PDE1A: variants seen among roughly 807,000 people sequenced by gnomAD.
PDE1A encodes the protein dual specificity calcium/calmodulin-dependent 3',5'-cyclic nucleotide phosphodiesterase 1A.
In PDE1A, 35 loss-of-function variants were observed where a neutral mutation model predicts 61.7. The observed-to-expected ratio is 0.57, with a 90% CI of 0.43 to 0.75. The LOEUF is 0.75. PDE1A is among the 30% of genes least tolerant of loss of function. The pLI is 0.00. For missense variants in PDE1A, 597 were observed against 630.6 expected, an observed-to-expected ratio of 0.95 and a Z score of 0.57; for synonymous variants, 232 against 213.2, an observed-to-expected ratio of 1.09 and a Z score of -0.77.
intron 2 of PDE1A, among the ~76,000 whole-genome samples, chr2:182,484,489 G>A (rs184244444): frequency 1.5e-4 from 23 of 151,974 alleles, no homozygotes; most frequent in Admixed American, 3.9e-4. Flanking sequence ...AAAAGCAATC[G>A]CAACAAAACA....
intron 1 of PDE1A, among the ~76,000 whole-genome samples, chr2:182,366,033 T>C (rs1249823150): frequency 6.6e-6 from 1 of 152,042 alleles, no homozygotes; most frequent in Non-Finnish European, 1.5e-5. Flanking sequence ...CATCTGGCAA[T>C]AAACAGTTAA....
chr2:182,298,326 G>A (rs1004576294), intron 1 of PDE1A, among the ~76,000 whole-genome samples: 2 of 152,150 alleles, frequency 1.3e-5, no homozygotes, highest in Admixed American at 6.5e-5. Flanking sequence ...TCAGGGCAAG[G>A]TGCAAAGACC....
At chr2:182,511,729 C>A (rs1689807022) in intron 2 of PDE1A, among the ~76,000 whole-genome samples, 1 of 151,890 alleles carries the variant, frequency 6.6e-6, no homozygotes, top group African/African-American at 2.4e-5. Flanking sequence ...GGGAGCCCCC[C>A]TGTTTGCCAG....
At chr2:182,556,777 T>A in the PDE1A span, among the ~76,000 whole-genome samples, 1 of 152,360 alleles carries the variant, frequency 6.6e-6, no homozygotes, top group African/African-American at 2.4e-5. Context: ...GCCATCTTCA[T>A]CTCAGCCTTT....
the PDE1A span, among the ~76,000 whole-genome samples, chr2:182,622,638 A>T: frequency 6.6e-6 from 1 of 152,188 alleles, no homozygotes; most frequent in Non-Finnish European, 1.5e-5. Context: ...GGTTCATACC[A>T]TCCTACATCC....
intron 10 of PDE1A, among the ~76,000 whole-genome samples, chr2:182,196,533 G>A (rs566367727): frequency 6.6e-6 from 1 of 151,858 alleles, no homozygotes; most frequent in East Asian, 1.9e-4. Flanking sequence ...GGGCAAATCT[G>A]AAGGGTATAA....
At chr2:182,707,791 C>T in the PDE1A span, among the ~76,000 whole-genome samples, 1 of 152,176 alleles carries the variant, frequency 6.6e-6, no homozygotes, top group African/African-American at 2.4e-5. Flanking sequence ...CCAGCATTAC[C>T]CCCATATCAA....
rs73032412 is a variant in PDE1A at position 182,263,085 on chromosome 2, A to C, written c.167+1216T>G. The stretch of plus-strand genomic sequence containing the variant: ...AGTTTAACATTGCTCATCTTCCCCA[A>C]GCTTAGGCCTGGGACAGGCATGGAC... On this transcript the variant is annotated intron_variant, in intron 2 of 13. Coordinates refer to ENST00000351439, the Ensembl canonical transcript of PDE1A. Among the ~76,000 whole-genome samples, 1,070 of 152,076 alleles carry C rather than the reference A, an allele frequency of 7.0e-3. 9 individuals are homozygous for C. Among genetic ancestry groups the C allele is most frequent in the African/African-American group, 0.024 (982 of 41,462 alleles).
intron 2 of PDE1A, among the ~76,000 whole-genome samples, chr2:182,495,037 G>A (rs2125896391): frequency 6.6e-6 from 1 of 152,196 alleles, no homozygotes; most frequent in South Asian, 2.1e-4. Context: ...CACTCTGTCG[G>A]GGGTGCTCGG....
intron 1 of PDE1A, among the ~76,000 whole-genome samples, chr2:182,288,885 GAA>G (rs1240095649): frequency 1.3e-5 from 2 of 152,028 alleles, no homozygotes; most frequent in Non-Finnish European, 2.9e-5. Context: ...TTCAGATTTT[GAA>G]AGACTTTTAA....
At chr2:182,541,176 A>T in the PDE1A span, among the ~76,000 whole-genome samples, 1 of 152,208 alleles carries the variant, frequency 6.6e-6, no homozygotes, top group African/African-American at 2.4e-5. Flanking sequence ...ACCTCACATG[A>T]TTTAAATGAA....
At chr2:182,608,149 A>G in the PDE1A span, among the ~76,000 whole-genome samples, 2 of 152,190 alleles carry the variant, frequency 1.3e-5, no homozygotes, top group South Asian at 2.1e-4. Context: ...CCTAGAAACT[A>G]GAATTCCTCT....
intron 2 of PDE1A, among the ~76,000 whole-genome samples, chr2:182,513,784 C>G (rs1419363947): frequency 6.6e-6 from 1 of 152,138 alleles, no homozygotes; most frequent in Non-Finnish European, 1.5e-5. Flanking sequence ...CAAAAAAGAG[C>G]AGAGACTGCT....
the PDE1A span, among the ~76,000 whole-genome samples, chr2:182,662,979 G>A: frequency 9.9e-5 from 15 of 151,754 alleles, no homozygotes; most frequent in Non-Finnish European, 1.6e-4. Context: ...GAAACAAATT[G>A]ACAAGAGAAA....
At chr2:182,521,937 A>C (rs1234373700) in intron 2 of PDE1A, among the ~76,000 whole-genome samples, 3 of 152,114 alleles carry the variant, frequency 2.0e-5, no homozygotes, top group Non-Finnish European at 4.4e-5. Flanking sequence ...TACCTGAGGG[A>C]AATTTTATTT....
At chr2:182,159,014 C>A (rs996176393) in intron 13 of PDE1A, among the ~76,000 whole-genome samples, 1 of 152,122 alleles carries the variant, frequency 6.6e-6, no homozygotes, top group African/African-American at 2.4e-5. Flanking sequence ...GTATAAATAG[C>A]AGTCCTAGAA....
chr2:182,602,580 C>T, the PDE1A span, among the ~76,000 whole-genome samples: 1 of 152,220 alleles, frequency 6.6e-6, no homozygotes, highest in Non-Finnish European at 1.5e-5. Context: ...ATGCAAATAT[C>T]TATTATCCAA....
At chr2:182,209,836 T>C (rs1038222096) in intron 7 of PDE1A, among the ~76,000 whole-genome samples, 2 of 152,082 alleles carry the variant, frequency 1.3e-5, no homozygotes, top group African/African-American at 4.8e-5. Context: ...GAACTATGAG[T>C]CAATTGAACC....
At chr2:182,254,310 A>AAC (rs890347305) in intron 2 of PDE1A, among the ~76,000 whole-genome samples, 12 of 152,206 alleles carry the variant, frequency 7.9e-5, no homozygotes, top group Non-Finnish European at 1.5e-4. Flanking sequence ...CTACAAACAC[A>AAC]ACACTCCAAA....
Sources: allele counts gnomAD v4.1 joint callset (sites outside exome capture counted in the v4.1 genomes callset), GRCh38; gene constraint gnomAD v4.1.1; transcripts MANE v1.5; gene names NCBI Gene and HGNC (gene_info 2026-07-23, HGNC 2026-07-21).